The following NXN variants were observed in gnomAD, a reference collection of about 807,000 sequenced individuals.
The protein encoded by NXN is nucleoredoxin.
In NXN, 16 loss-of-function variants were observed where a neutral mutation model predicts 48.6. That is an observed-to-expected ratio of 0.33 (90% CI 0.22 to 0.50). The LOEUF is 0.50. Ranked by LOEUF, NXN falls within the 20% of genes least tolerant of loss-of-function variation. The pLI, the probability that NXN is intolerant of heterozygous loss-of-function variation, is 0.98. For missense variants in NXN, 492 were observed against 605.5 expected (o/e 0.81, Z 1.97); for synonymous variants, 281 against 269.6 (o/e 1.04, Z -0.41).
At chr17:970,703 A>G (rs1338225196) in intron 1 of NXN, among the ~76,000 whole-genome samples, 2 of 152,322 alleles carry the variant, frequency 1.3e-5, no homozygotes, top group East Asian at 3.9e-4. Context: ...AGTTGAATTT[A>G]AGGGAGTTCA....
rs188791255 is a variant in NXN at position 947,683 on chromosome 17, A to T, written c.360+31636T>A. 2.5e-4 allele frequency among the ~76,000 whole-genome samples: 37 copies of T among 145,888 alleles called. 2 individuals are homozygous for T. In the East Asian group the frequency reaches 7.9e-3, roughly 31 times the overall value. ...AGGAGGCAGGGGTTGCAGTGAGCCG[A>T]GATCCTGCCACTGCACTCCGGCCTG... is the stretch of plus-strand genomic sequence containing the variant. On this transcript the variant is annotated intron_variant, in intron 1 of 7. Transcript: ENST00000336868.
At chr17:856,628 T>C (rs899559682) in intron 1 of NXN, among the ~76,000 whole-genome samples, 2 of 151,596 alleles carry the variant, frequency 1.3e-5, no homozygotes, top group Admixed American at 1.3e-4. Flanking sequence ...GTAGCTGGGA[T>C]TACAGGCACC....
chr17:807,695 C>A (rs1284146461), intron 5 of NXN, among the ~76,000 whole-genome samples: 2 of 152,240 alleles, frequency 1.3e-5, no homozygotes, highest in Non-Finnish European at 2.9e-5. Flanking sequence ...TAAGCAGAAA[C>A]CAACTTGGGC....
chr17:971,238 G>A (rs112873155), intron 1 of NXN, among the ~76,000 whole-genome samples: 1 of 151,940 alleles, frequency 6.6e-6, no homozygotes, highest in Non-Finnish European at 1.5e-5. Context: ...GAGCCACCGC[G>A]CGTGGCCGAG....
chr17:826,939 C>T (rs1221312758), intron 1 of NXN, among the ~76,000 whole-genome samples: 1 of 152,244 alleles, frequency 6.6e-6, no homozygotes, highest in African/African-American at 2.4e-5. Context: ...GCGTGGGCGG[C>T]CTCTGTTCGC....
At chr17:940,359 G>T (rs993958543) in intron 1 of NXN, among the ~76,000 whole-genome samples, 1 of 151,880 alleles carries the variant, frequency 6.6e-6, no homozygotes, top group South Asian at 2.1e-4. Flanking sequence ...CTCCTTAAGC[G>T]CTGGGATTAC....
intron 1 of NXN, among the ~76,000 whole-genome samples, chr17:957,873 T>C (rs1206802387): frequency 6.6e-6 from 1 of 152,074 alleles, no homozygotes; most frequent in African/African-American, 2.4e-5. Context: ...AGTCAGCTTC[T>C]CAGTCTTCAC....
intron 1 of NXN, among the ~76,000 whole-genome samples, chr17:898,638 G>C (rs1236248400): frequency 2.7e-5 from 2 of 72,816 alleles, no homozygotes; most frequent in African/African-American, 6.3e-5. Context: ...TAAGGTGGGA[G>C]GACCACTTCA....
At chr17:861,041 C>T (rs960917576) in intron 1 of NXN, among the ~76,000 whole-genome samples, 4 of 152,288 alleles carry the variant, frequency 2.6e-5, no homozygotes, top group South Asian at 2.1e-4. Context: ...AACACAGATA[C>T]GGACTGGGGA....
intron 5 of NXN, among the ~76,000 whole-genome samples, chr17:806,510 AC>A (rs1185897899): frequency 6.6e-6 from 1 of 152,012 alleles, no homozygotes; most frequent in African/African-American, 2.4e-5. Context: ...AGCCAGGGCT[AC>A]AGGCCCCCAC....
rs774144491 is a variant in NXN at position 800,895 on chromosome 17, G to C, written c.*54C>G. ...TAAGTCCAAGGGCGGAAGGAAGGAG[G>C]GGGAGGAGGAGAAGGCTGAGTTTTA... On this transcript the variant is annotated 3_prime_UTR_variant, in exon 8 of 8. Coordinates refer to ENST00000336868, the MANE Select transcript of NXN (RefSeq NM_022463.5). 44 of 1,265,544 alleles carry C rather than the reference G, an allele frequency of 3.5e-5. No individual in the cohort carries two copies. Among genetic ancestry groups the C allele is most frequent in the Non-Finnish European group, 4.5e-5 (43 of 958,936 alleles). The allele number at this position is 1,265,544 out of a possible 1,614,324, so 78.4% of individuals were successfully genotyped here.
At chr17:938,946 G>A (rs2068939059) in intron 1 of NXN, among the ~76,000 whole-genome samples, 1 of 151,864 alleles carries the variant, frequency 6.6e-6, no homozygotes, top group African/African-American at 2.4e-5. Context: ...CAGCTACACG[G>A]GACGCTGAGG....
chr17:848,770 G>A (rs532711316), intron 1 of NXN, among the ~76,000 whole-genome samples: 62 of 152,242 alleles, frequency 4.1e-4, no homozygotes, highest in Admixed American at 8.5e-4. Flanking sequence ...ACAAGAAAGC[G>A]GACAGCAGCA....
chr17:944,383 T>C (rs2069019460), intron 1 of NXN, among the ~76,000 whole-genome samples: 1 of 152,236 alleles, frequency 6.6e-6, no homozygotes. Context: ...CTTCTCTGAC[T>C]TCAAAGCTGA....
chr17:933,593 C>A (rs1458102331), intron 1 of NXN, among the ~76,000 whole-genome samples: 1 of 151,886 alleles, frequency 6.6e-6, no homozygotes, highest in Non-Finnish European at 1.5e-5. Flanking sequence ...CAAATTCCAT[C>A]CCTCTCAACT....
At chr17:964,194 C>T (rs959128807) in intron 1 of NXN, among the ~76,000 whole-genome samples, 2 of 152,168 alleles carry the variant, frequency 1.3e-5, no homozygotes, top group Non-Finnish European at 2.9e-5. Flanking sequence ...CTAATGTAAA[C>T]AGTCAGCAGG....
At chr17:912,602 T>C (rs1039845074) in intron 1 of NXN, among the ~76,000 whole-genome samples, 1 of 152,066 alleles carries the variant, frequency 6.6e-6, no homozygotes, top group Non-Finnish European at 1.5e-5. Context: ...TCTTTCTCTG[T>C]TCAAATTCTT....
rs1911135349 is a variant in NXN, at chr17:800,310, A to AGGAT, written c.*635_*638dup. On this transcript the variant is annotated 3_prime_UTR_variant, in exon 8 of 8. Transcript: ENST00000336868. ...GAGAAGGATTCGTTAACAGAATTTC[A>AGGAT]GGATCGTGGGAGCTGTTTGTATGAT... is the stretch of plus-strand genomic sequence containing the variant. The AGGAT allele has an allele frequency of 6.6e-6, 1 of 152,244 alleles. No homozygotes were observed. Among genetic ancestry groups the AGGAT allele is most frequent in the South Asian group, 2.1e-4 (1 of 4,830 alleles). 9.4% of individuals were successfully genotyped at this position (152,244 alleles called of 1,614,324 possible). A position where few individuals can be genotyped will look rare whatever the true frequency, so the allele number is the denominator to read the frequency against.
intron 1 of NXN, among the ~76,000 whole-genome samples, chr17:868,034 C>T (rs1404181788): frequency 6.6e-6 from 1 of 152,158 alleles, no homozygotes; most frequent in Admixed American, 6.5e-5. Context: ...ATTCCGGGGA[C>T]ACAGCAGGGA....
Sources: allele counts gnomAD v4.1 joint callset (sites outside exome capture counted in the v4.1 genomes callset), GRCh38; gene constraint gnomAD v4.1.1; transcripts MANE v1.5; gene names NCBI Gene and HGNC (gene_info 2026-07-23, HGNC 2026-07-21).